The following HHAT variants were observed in gnomAD, a reference collection of about 807,000 sequenced individuals.
The protein encoded by HHAT is hedgehog acyltransferase, also known as protein-cysteine N-palmitoyltransferase HHAT.
A neutral mutation model predicts 70.8 loss-of-function variants in HHAT; 47 were observed. That is an observed-to-expected ratio of 0.66 (90% CI 0.53 to 0.85). The LOEUF is 0.85. Ranked by LOEUF, HHAT falls within the 40% of genes least tolerant of loss-of-function variation. The pLI, the probability that HHAT is intolerant of heterozygous loss-of-function variation, is 0.00. For missense variants in HHAT, 609 were observed against 604.8 expected, an observed-to-expected ratio of 1.01 and a Z score of -0.07; for synonymous variants, 228 against 247.6, an observed-to-expected ratio of 0.92 and a Z score of 0.74.
intron 1 of HHAT, among the ~76,000 whole-genome samples, chr1:210,344,578 C>G (rs147357195): frequency 6.6e-6 from 1 of 152,114 alleles, no homozygotes; most frequent in Non-Finnish European, 1.5e-5. Flanking sequence ...TTTTAAAGGC[C>G]TCATAAAGTG....
chr1:210,436,373 C>T (rs1365330982), intron 7 of HHAT, among the ~76,000 whole-genome samples: 1 of 151,302 alleles, frequency 6.6e-6, no homozygotes, highest in East Asian at 1.9e-4. Flanking sequence ...TGTAGCTTTG[C>T]AGTATATTTT....
At chr1:210,663,734 A>G (rs1164750560) in intron 11 of HHAT, among the ~76,000 whole-genome samples, 1 of 152,206 alleles carries the variant, frequency 6.6e-6, no homozygotes, top group Non-Finnish European at 1.5e-5. Context: ...CATCACCTGG[A>G]ACTTGCTAGA....
At chr1:210,560,979 G>A (rs914588760) in intron 9 of HHAT, among the ~76,000 whole-genome samples, 27 of 152,164 alleles carry the variant, frequency 1.8e-4, no homozygotes, top group Admixed American at 7.9e-4. Context: ...TGATCACTGA[G>A]GCCAGTATCT....
At chr1:210,602,178 G>C (rs955843679) in intron 10 of HHAT, among the ~76,000 whole-genome samples, 1 of 152,188 alleles carries the variant, frequency 6.6e-6, no homozygotes, top group African/African-American at 2.4e-5. Flanking sequence ...AGTAAAATGA[G>C]AGTGCTGGCA....
intron 3 of HHAT, among the ~76,000 whole-genome samples, chr1:210,385,609 C>G (rs1025804050): frequency 3.9e-5 from 6 of 152,122 alleles, no homozygotes; most frequent in Non-Finnish European, 7.4e-5. Flanking sequence ...ATGAGCAGGT[C>G]ATGTATCAGG....
At chr1:210,467,916 A>C (rs2094136643) in intron 8 of HHAT, among the ~76,000 whole-genome samples, 1 of 152,206 alleles carries the variant, frequency 6.6e-6, no homozygotes, top group Non-Finnish European at 1.5e-5. Context: ...TATGAGCTCT[A>C]CAGAGAACAG....
At chr1:210,442,278 C>A (rs1239597600) in intron 7 of HHAT, among the ~76,000 whole-genome samples, 1 of 132,774 alleles carries the variant, frequency 7.5e-6, no homozygotes. Flanking sequence ...GGTTCCAAGT[C>A]TTTGCTATTG....
chr1:210,637,986 C>T (rs565025206), intron 11 of HHAT, among the ~76,000 whole-genome samples: 6 of 152,152 alleles, frequency 3.9e-5, no homozygotes, highest in South Asian at 2.1e-4. Flanking sequence ...ACATTAAAAC[C>T]GCAATAAGAT....
At chr1:210,605,012 T>TCAACAACAACAACAACAACAA (rs66718127) in intron 10 of HHAT, among the ~76,000 whole-genome samples, 3 of 150,622 alleles carry the variant, frequency 2.0e-5, no homozygotes, top group Non-Finnish European at 3.0e-5. Flanking sequence ...TGGGCAAGAC[T>TCAACAACAACAACAACAACAA]CAACAACAAC....
intron 7 of HHAT, among the ~76,000 whole-genome samples, chr1:210,422,410 A>G (rs931230401): frequency 1.1e-4 from 17 of 152,048 alleles, no homozygotes; most frequent in Admixed American, 1.0e-3. Flanking sequence ...ATCTCTCCCT[A>G]TCCCTCCCTT....
rs71146233 is a variant in HHAT, at chr1:210,569,373, C to CAAAAAAAAAAAAAAAAAAAAAAAAAA, written c.1044-18524_1044-18499dup. On this transcript the variant is annotated intron_variant, in intron 9 of 11. Transcript: ENST00000261458. ...CGGGCGACAGAGCCAGAGTCTGCCT[C>CAAAAAAAAAAAAAAAAAAAAAAAAAA]AAAAAAAAAAAAAAAAAAAAAAAAA... Among the ~76,000 whole-genome samples, 14 of 28,344 alleles carry CAAAAAAAAAAAAAAAAAAAAAAAAAA rather than the reference C, an allele frequency of 4.9e-4. 4 individuals are homozygous for CAAAAAAAAAAAAAAAAAAAAAAAAAA. Among genetic ancestry groups the CAAAAAAAAAAAAAAAAAAAAAAAAAA allele is most frequent in the Non-Finnish European group, 6.3e-4 (10 of 15,916 alleles). The allele number at this position is 28,344 out of a possible 152,430, so 18.6% of individuals were successfully genotyped here.
chr1:210,448,081 C>CTT (rs34807311), intron 7 of HHAT, among the ~76,000 whole-genome samples: 2,302 of 136,798 alleles, frequency 0.017, 69 homozygotes, highest in African/African-American at 0.055. Context: ...GTTAGAGGTT[C>CTT]TTTTTTTTTT....
At chr1:210,621,690 G>A (rs182380770) in intron 10 of HHAT, among the ~76,000 whole-genome samples, 1 of 152,224 alleles carries the variant, frequency 6.6e-6, no homozygotes, top group East Asian at 1.9e-4. Flanking sequence ...CTCGTACCAG[G>A]TCTTGTCTGA....
intron 6 of HHAT, among the ~76,000 whole-genome samples, chr1:210,408,341 C>T (rs1398411299): frequency 6.6e-6 from 1 of 152,078 alleles, no homozygotes; most frequent in East Asian, 1.9e-4. Flanking sequence ...CACCAACGCA[C>T]CCAGCTGATT....
At chr1:210,435,784 G>C (rs2148339859) in intron 7 of HHAT, among the ~76,000 whole-genome samples, 1 of 151,774 alleles carries the variant, frequency 6.6e-6, no homozygotes, top group South Asian at 2.1e-4. Flanking sequence ...ATGTCTTTTA[G>C]ATCTTTTGTC....
chr1:210,417,684 G>C (rs1416548292), intron 6 of HHAT, among the ~76,000 whole-genome samples: 1 of 152,148 alleles, frequency 6.6e-6, no homozygotes, highest in East Asian at 1.9e-4. Context: ...CTTGCTCTCA[G>C]CCCATCTTTT....
At chr1:210,470,874 T>G (rs990533833) in intron 8 of HHAT, among the ~76,000 whole-genome samples, 5 of 152,210 alleles carry the variant, frequency 3.3e-5, no homozygotes, top group Admixed American at 1.3e-4. Flanking sequence ...TCCTTCTCTG[T>G]AAGATGGAGA....
intron 11 of HHAT, among the ~76,000 whole-genome samples, chr1:210,648,713 G>A (rs1161730897): frequency 1.3e-5 from 2 of 152,208 alleles, no homozygotes; most frequent in Admixed American, 1.3e-4. Flanking sequence ...AGCAGTTACT[G>A]TTTTCCCCCA....
intron 10 of HHAT, among the ~76,000 whole-genome samples, chr1:210,612,224 G>T (rs1006588772): frequency 6.6e-6 from 1 of 152,054 alleles, no homozygotes; most frequent in Non-Finnish European, 1.5e-5. Context: ...CAATTAAGGG[G>T]TATTAAAAAC....
Sources: gnomAD v4.1 joint callset for allele counts (sites outside exome capture counted in the v4.1 genomes callset) on GRCh38, gnomAD v4.1.1 for gene constraint, MANE v1.5 for transcripts, NCBI Gene and HGNC (gene_info 2026-07-23, HGNC 2026-07-21) for gene names.